SETD2: variants seen among roughly 807,000 people sequenced by gnomAD.
SETD2 encodes the protein histone-lysine N-methyltransferase SETD2.
SETD2 carries 31 observed loss-of-function variants against 242.1 expected under a neutral mutation model. That is an observed-to-expected ratio of 0.13 (90% CI 0.10 to 0.17). The LOEUF is 0.17. Ranked by LOEUF, SETD2 falls within the 10% of genes least tolerant of loss-of-function variation. The pLI is 1.00. For missense variants in SETD2, 2,481 were observed against 3,046.3 expected (o/e 0.81, Z 4.37); for synonymous variants, 1,006 against 1,066.5 (o/e 0.94, Z 1.11).
At chr3:47,105,915 A>AACC in intron 6 of SETD2, 82 bp downstream of exon 6, 1 of 1,478,916 alleles carries the variant, frequency 6.8e-7, no homozygotes, top group Non-Finnish European at 9.1e-7. Flanking sequence ...AAAAAAAAAA[A>AACC]AAAAAAAAAA....
chr3:47,150,027 A>AATTTTTTT (rs1559767452), intron 1 of SETD2, among the ~76,000 whole-genome samples: 2 of 68,918 alleles, frequency 2.9e-5, no homozygotes, highest in Admixed American at 1.6e-4. Context: ...ATCCAAAAAT[A>AATTTTTTT]CTTTTTTTTT....
chr3:47,037,482 T>C (rs973176352), intron 18 of SETD2, among the ~76,000 whole-genome samples, 184 bp downstream of exon 18: 3 of 152,022 alleles, frequency 2.0e-5, no homozygotes, highest in Non-Finnish European at 2.9e-5. Flanking sequence ...TATGGCTGCA[T>C]AGTATTCCAT....
intron 15 of SETD2, among the ~76,000 whole-genome samples, chr3:47,053,917 T>C (rs560022428): frequency 2.3e-4 from 35 of 152,350 alleles, no homozygotes; most frequent in African/African-American, 6.0e-4. Context: ...ATATCCCTTA[T>C]CTTAATGCAA....
At chr3:47,080,014 C>G (rs1354692315) in intron 12 of SETD2, among the ~76,000 whole-genome samples, 1 of 152,124 alleles carries the variant, frequency 6.6e-6, no homozygotes, top group Non-Finnish European at 1.5e-5. Flanking sequence ...AAAATTATCA[C>G]AGAAATCCAG....
chr3:47,036,183 G>A (rs186314708), intron 18 of SETD2, among the ~76,000 whole-genome samples: 7 of 152,066 alleles, frequency 4.6e-5, no homozygotes, highest in Admixed American at 4.6e-4. Flanking sequence ...AACCACTGAA[G>A]TACTTAATTC....
chr3:47,133,175 T>G (rs188617982), intron 1 of SETD2, among the ~76,000 whole-genome samples: 6 of 152,086 alleles, frequency 3.9e-5, no homozygotes, highest in Non-Finnish European at 8.8e-5. Context: ...CTCGGGAATC[T>G]GGGTGAAGGG....
intron 12 of SETD2, among the ~76,000 whole-genome samples, 186 bp from the exon 13 acceptor site, chr3:47,067,304 A>C (rs1292003180): frequency 6.6e-6 from 1 of 152,130 alleles, no homozygotes; most frequent in African/African-American, 2.4e-5. Flanking sequence ...ACAAGAAAAA[A>C]TATATAGCAG....
chr3:47,064,769 A>T (rs947248018), intron 13 of SETD2: 2 of 154,478 alleles, frequency 1.3e-5, no homozygotes, highest in African/African-American at 4.9e-5. Flanking sequence ...TATATATGTA[A>T]ATATATATAA....
intron 7 of SETD2, among the ~76,000 whole-genome samples, chr3:47,102,913 ATTTAGT>A (rs2042271980): frequency 6.6e-6 from 1 of 152,162 alleles, no homozygotes; most frequent in Non-Finnish European, 1.5e-5. Context: ...CAAAATTAAA[ATTTAGT>A]TTTGTATTTT....
At position 47,020,061 on chromosome 3, in the gene SETD2, G is replaced by A. The variant is rs565448187; in HGVS notation, c.7351-221C>T. 2.6e-5 allele frequency among the ~76,000 whole-genome samples: 4 copies of A among 152,186 alleles called. No individual in the cohort carries two copies. In the South Asian group the frequency reaches 8.3e-4, roughly 32 times the overall value. ...TTTGGCTCTCCTTCTTATAAGTTAA[G>A]TTCCAATTCTCTACCCTAAGTCAAA... On this transcript the variant is annotated intron_variant, in intron 18 of 20. Coordinates refer to ENST00000409792, the MANE Select transcript of SETD2 (RefSeq NM_014159.7).
intron 18 of SETD2, among the ~76,000 whole-genome samples, chr3:47,034,361 C>G (rs2038909822): frequency 6.6e-6 from 1 of 152,118 alleles, no homozygotes; most frequent in Non-Finnish European, 1.5e-5. Context: ...ATGTACCTCC[C>G]CCAACACACA....
In SETD2 at chr3:47,126,681, A is replaced by G; in HGVS notation, c.72-18T>C. ...CTTCTTCTCTATTTCCATTCAGCCA[A>G]GAAAACATGCAAAAGAATAAAAAGA... is the stretch of plus-strand genomic sequence containing the variant. On this transcript the variant is annotated intron_variant, in intron 1 of 20. Transcript: ENST00000409792. 7.7e-7 allele frequency: 1 copy of G among 1,300,676 alleles called. No individual in the cohort carries two copies. The highest frequency in any genetic ancestry group is 1.1e-6 in the Non-Finnish European group (1 of 926,494). The allele number at this position is 1,300,676 out of a possible 1,614,324, so 80.6% of individuals were successfully genotyped here. A position where few individuals can be genotyped will look rare whatever the true frequency, so the allele number is the denominator to read the frequency against.
At chr3:47,109,317 A>G (rs1165854360) in intron 5 of SETD2, among the ~76,000 whole-genome samples, 1 of 152,170 alleles carries the variant, frequency 6.6e-6, no homozygotes, top group Non-Finnish European at 1.5e-5. Flanking sequence ...TAACTGTTCA[A>G]CTCTTTCAAC....
At chr3:47,101,395 C>A in intron 8 of SETD2, 63 bp downstream of exon 8, 1 of 829,218 alleles carries the variant, frequency 1.2e-6, no homozygotes, top group Non-Finnish European at 2.0e-6. Flanking sequence ...AGTTTTATAT[C>A]CTTATATCTG....
chr3:47,073,061 G>C (rs1559690559), intron 12 of SETD2, among the ~76,000 whole-genome samples: 1 of 151,776 alleles, frequency 6.6e-6, no homozygotes, highest in Non-Finnish European at 1.5e-5. Flanking sequence ...GAGGCAGGTG[G>C]AGCTCTTGAG....
chr3:47,122,264 G>C lies in SETD2; in HGVS notation c.2372C>G (p.Ser791Ter), dbSNP rs2106673717. The C allele has an allele frequency of 6.2e-7, 1 of 1,614,066 alleles. No homozygotes were observed. Among genetic ancestry groups the C allele is most frequent in the Non-Finnish European group, 8.5e-7 (1 of 1,179,950 alleles). ...TRVSCCKTKD[S>*]DIYCTLNDSN... Reference sequence around the variant, plus strand: ...ATCGTTCAAAGTACAGTATATGTCTGAATCTTTGGTTTTGCAGCAAGAAAC... The same window carrying C: ...ATCGTTCAAAGTACAGTATATGTCTCAATCTTTGGTTTTGCAGCAAGAAAC... Residue 791 changes from serine (S) to a stop codon, truncating the protein, a stop_gained, in exon 3 of 21, where the codon TCA (serine) becomes TGA (stop). Coordinates refer to ENST00000409792, the MANE Select transcript of SETD2 (RefSeq NM_014159.7). LOFTEE classifies it high-confidence loss of function.
intron 18 of SETD2, among the ~76,000 whole-genome samples, chr3:47,036,976 C>T (rs1278679754): frequency 1.4e-5 from 2 of 146,544 alleles, no homozygotes; most frequent in Admixed American, 1.4e-4. Context: ...GAACACCCAT[C>T]ACAATTCTTG....
At chr3:47,074,546 G>C (rs533045633) in intron 12 of SETD2, among the ~76,000 whole-genome samples, 2 of 152,260 alleles carry the variant, frequency 1.3e-5, no homozygotes, top group East Asian at 1.9e-4. Context: ...GCCATACCTA[G>C]AAAGTCCTCC....
chr3:47,096,121 C>T (rs1432630249), intron 9 of SETD2, among the ~76,000 whole-genome samples: 1 of 152,152 alleles, frequency 6.6e-6, no homozygotes, highest in Admixed American at 6.5e-5. Flanking sequence ...AATGCAGAAA[C>T]ATCTATTGTT....
Sources: allele counts gnomAD v4.1 joint callset (sites outside exome capture counted in the v4.1 genomes callset), GRCh38; gene constraint gnomAD v4.1.1; transcripts MANE v1.5; gene names NCBI Gene and HGNC (gene_info 2026-07-23, HGNC 2026-07-21).